POU6F2: variants seen among roughly 807,000 people sequenced by gnomAD.
POU6F2 encodes the protein POU domain, class 6, transcription factor 2.
POU6F2 carries 31 observed loss-of-function variants against 71.3 expected under a neutral mutation model. The observed-to-expected ratio is 0.43, with a 90% CI of 0.33 to 0.59. The LOEUF (loss-of-function observed/expected upper bound fraction) is 0.59, where lower values mean the gene tolerates loss of function less well. Ranked by LOEUF, POU6F2 falls within the 20% of genes least tolerant of loss-of-function variation. The pLI is 0.04. For synonymous variants in POU6F2, 347 were observed against 355.7 expected, an observed-to-expected ratio of 0.98 and a Z score of 0.27; for missense variants, 783 against 856.8, an observed-to-expected ratio of 0.91 and a Z score of 1.07.
intron 1 of POU6F2, among the ~76,000 whole-genome samples, chr7:39,047,596 GTGTATATTCCT>G (rs1790317539): frequency 6.6e-6 from 1 of 151,860 alleles, no homozygotes; most frequent in Non-Finnish European, 1.5e-5. Flanking sequence ...TGGTGTGTAT[GTGTATATTCCT>G]AGAACTTTCT....
chr7:39,437,486 A>G (rs1389070813), intron 7 of POU6F2, among the ~76,000 whole-genome samples: 1 of 151,782 alleles, frequency 6.6e-6, no homozygotes. Context: ...ATCACTTTTT[A>G]TTGTGTCTGT....
intron 4 of POU6F2, among the ~76,000 whole-genome samples, chr7:39,302,274 T>C (rs1286343010): frequency 2.0e-5 from 3 of 152,216 alleles, no homozygotes; most frequent in African/African-American, 7.2e-5. Flanking sequence ...AGGGGGGATC[T>C]ACCCCACCAC....
intron 4 of POU6F2, among the ~76,000 whole-genome samples, chr7:39,224,341 A>C (rs1267336205): frequency 6.6e-6 from 1 of 152,110 alleles, no homozygotes; most frequent in Non-Finnish European, 1.5e-5. Context: ...TTGCATTTCA[A>C]ATCATTAATG....
chr7:39,451,020 T>C (rs1486933673), intron 7 of POU6F2, among the ~76,000 whole-genome samples: 1 of 152,124 alleles, frequency 6.6e-6, no homozygotes, highest in Non-Finnish European at 1.5e-5. Flanking sequence ...CAGAAACCCA[T>C]CCGGACTCTA....
chr7:39,017,120 C>G (rs1789573177), intron 1 of POU6F2, among the ~76,000 whole-genome samples: 1 of 152,164 alleles, frequency 6.6e-6, no homozygotes, highest in Non-Finnish European at 1.5e-5. Context: ...GGGGCAAGAA[C>G]TGTGTCCTCT....
chr7:39,433,413 C>A (rs528017262), intron 7 of POU6F2, 130 bp downstream of exon 7: 1 of 975,902 alleles, frequency 1.0e-6, no homozygotes, highest in Non-Finnish European at 1.5e-6. Flanking sequence ...CTGAACATAT[C>A]GATACTTATA....
Position 39,382,314 on chromosome 7 carries a change from G to T in POU6F2, c.973-24286G>T, listed in dbSNP as rs563661729. Among the ~76,000 whole-genome samples the T allele has an allele frequency of 2.0e-5, 3 of 152,326 alleles. No individual in the cohort carries two copies. The East Asian group carries it at 5.8e-4, about 29-fold the overall frequency. On this transcript the variant is annotated intron_variant, in intron 5 of 9. Transcript: ENST00000518318. Reference sequence around the variant, plus strand: ...AACAGAGAGACAGAACAGAGGTTCAGAGAGACAGAACCTCTAGGCCTGGGA... The same window carrying T: ...AACAGAGAGACAGAACAGAGGTTCATAGAGACAGAACCTCTAGGCCTGGGA...
At chr7:39,201,559 T>C (rs375995313) in intron 2 of POU6F2, among the ~76,000 whole-genome samples, 1 of 152,202 alleles carries the variant, frequency 6.6e-6, no homozygotes, top group African/African-American at 2.4e-5. Context: ...CCCTGTCCCA[T>C]AGAGCTCATA....
At chr7:39,422,255 A>G (rs1262798842) in intron 6 of POU6F2, among the ~76,000 whole-genome samples, 1 of 152,232 alleles carries the variant, frequency 6.6e-6, no homozygotes, top group Non-Finnish European at 1.5e-5. Flanking sequence ...ACGTAAAACC[A>G]CTAAGAAGAA....
At chr7:39,007,342 G>T (rs1789102288) in intron 1 of POU6F2, among the ~76,000 whole-genome samples, 1 of 152,042 alleles carries the variant, frequency 6.6e-6, no homozygotes, top group African/African-American at 2.4e-5. Flanking sequence ...AAAGTATTTT[G>T]GGGGGAAGTT....
At chr7:39,391,548 A>C (rs1787075361) in intron 5 of POU6F2, among the ~76,000 whole-genome samples, 1 of 152,198 alleles carries the variant, frequency 6.6e-6, no homozygotes, top group East Asian at 1.9e-4. Context: ...ACTTTCTACC[A>C]TCCAGGCACA....
chr7:39,353,575 A>T (rs1055002810), intron 5 of POU6F2, among the ~76,000 whole-genome samples: 5 of 152,236 alleles, frequency 3.3e-5, no homozygotes, highest in Non-Finnish European at 5.9e-5. Context: ...TGATCCATGT[A>T]GTTTGGGCAA....
chr7:39,010,368 T>C (rs1464739774), intron 1 of POU6F2, among the ~76,000 whole-genome samples: 7 of 148,756 alleles, frequency 4.7e-5, no homozygotes, highest in Non-Finnish European at 1.1e-4. Flanking sequence ...TCGGTGGTGA[T>C]ATCCCCTTTA....
chr7:39,122,144 A>G (rs552510722), intron 2 of POU6F2, among the ~76,000 whole-genome samples: 17 of 152,220 alleles, frequency 1.1e-4, no homozygotes, highest in African/African-American at 1.4e-4. Flanking sequence ...AAGCCATTTT[A>G]TGAAATGTGT....
At chr7:39,241,279 G>T (rs11505524) in intron 4 of POU6F2, among the ~76,000 whole-genome samples, 61,591 of 152,044 alleles carry the variant, frequency 0.41, 13,238 homozygotes, top group East Asian at 0.69. Context: ...AATCAATGGA[G>T]AGTGATTGCT....
intron 1 of POU6F2, among the ~76,000 whole-genome samples, chr7:38,995,971 T>TCTTTGC (rs1471228844): frequency 3.9e-5 from 6 of 151,914 alleles, no homozygotes; most frequent in Admixed American, 2.0e-4. Context: ...TGCTCATCCA[T>TCTTTGC]CTTTGCCTTT....
intron 5 of POU6F2, among the ~76,000 whole-genome samples, chr7:39,368,882 G>A (rs573071354): frequency 6.6e-6 from 1 of 152,280 alleles, no homozygotes; most frequent in East Asian, 1.9e-4. Context: ...GAAAGAAGTT[G>A]ATTCCAACCT....
At chr7:39,101,073 C>CTT (rs34648607) in intron 2 of POU6F2, among the ~76,000 whole-genome samples, 4 of 115,812 alleles carry the variant, frequency 3.5e-5, no homozygotes, top group Admixed American at 2.7e-4. Context: ...TAAGTGTATT[C>CTT]TTTTTTTTTT....
intron 6 of POU6F2, among the ~76,000 whole-genome samples, chr7:39,418,983 A>ATG (rs371686192): frequency 7.3e-6 from 1 of 136,810 alleles, no homozygotes; most frequent in African/African-American, 2.8e-5. Context: ...ATGTATATAT[A>ATG]TGTGTATATA....
Sources: gnomAD v4.1 joint callset for allele counts (sites outside exome capture counted in the v4.1 genomes callset) on GRCh38, gnomAD v4.1.1 for gene constraint, MANE v1.5 for transcripts, NCBI Gene and HGNC (gene_info 2026-07-23, HGNC 2026-07-21) for gene names.